Variants in RTL4 observed in about 807,000 individuals in gnomAD.
RTL4 encodes the protein retrotransposon Gag like 4, also known as retrotransposon Gag-like protein 4.
A neutral mutation model predicts 5.3 loss-of-function variants in RTL4; 4 were observed. That is an observed-to-expected ratio of 0.75 (90% CI 0.37 to 1.72). The LOEUF (loss-of-function observed/expected upper bound fraction) is 1.72. Ranked by LOEUF, RTL4 falls within the 40% of genes most tolerant of loss-of-function variation. The pLI, the probability that RTL4 is intolerant of heterozygous loss-of-function variation, is 0.04. For synonymous variants in RTL4, 98 were observed against 87.3 expected (o/e 1.12, Z -0.68); for missense variants, 260 against 227.1 (o/e 1.14, Z -0.93).
chrX:112,337,230 G>A, the RTL4 span, among the ~76,000 whole-genome samples: 1 of 111,804 alleles, frequency 8.9e-6, no homozygotes, highest in South Asian at 3.7e-4. Flanking sequence ...CATAATAGTA[G>A]CTATCTTCTT....
the RTL4 span, among the ~76,000 whole-genome samples, chrX:112,164,325 G>A: frequency 8.9e-6 from 1 of 112,068 alleles, no homozygotes; most frequent in Non-Finnish European, 1.9e-5. Context: ...CCTAAAAATG[G>A]TAGTTTCGCC....
chrX:112,276,699 A>G, the RTL4 span, among the ~76,000 whole-genome samples: 3 of 111,897 alleles, frequency 2.7e-5, no homozygotes, highest in Non-Finnish European at 3.8e-5. Context: ...TTATCAAATT[A>G]ATTTTAATAT....
the RTL4 span, among the ~76,000 whole-genome samples, chrX:112,326,424 C>T: frequency 9.0e-6 from 1 of 111,517 alleles, no homozygotes; most frequent in African/African-American, 3.3e-5. Flanking sequence ...TCACTTCCAC[C>T]CGAATACTGC....
the RTL4 span, among the ~76,000 whole-genome samples, chrX:112,113,143 G>T: frequency 9.0e-6 from 1 of 111,038 alleles, no homozygotes; most frequent in South Asian, 3.9e-4. Flanking sequence ...GGCCTTAAGG[G>T]TTATTGCTTT....
At chrX:112,164,486 G>A in the RTL4 span, among the ~76,000 whole-genome samples, 12 of 112,074 alleles carry the variant, frequency 1.1e-4, no homozygotes, top group South Asian at 7.5e-4. Context: ...AAGACCATGC[G>A]GAGATGGAAT....
the RTL4 span, among the ~76,000 whole-genome samples, chrX:112,425,917 CAGA>C: frequency 9.0e-6 from 1 of 111,580 alleles, no homozygotes; most frequent in Non-Finnish European, 1.9e-5. Context: ...TTTCACAGAG[CAGA>C]AGGTTTTTAT....
At chrX:112,451,101 A>C (rs1926727304), upstream of RTL4, among the ~76,000 whole-genome samples, 1 of 111,915 alleles carries the variant, frequency 8.9e-6, no homozygotes, top group Non-Finnish European at 1.9e-5. Flanking sequence ...TAAGCAGTAG[A>C]TACTCCATGT....
At chrX:112,407,261 A>C in the RTL4 span, among the ~76,000 whole-genome samples, 1 of 111,058 alleles carries the variant, frequency 9.0e-6, no homozygotes, top group African/African-American at 3.3e-5. Flanking sequence ...CCTGAACCAA[A>C]GGGAAGCCCA....
the RTL4 span, among the ~76,000 whole-genome samples, chrX:112,439,519 A>G: frequency 8.9e-6 from 1 of 111,764 alleles, no homozygotes; most frequent in Non-Finnish European, 1.9e-5. Flanking sequence ...AGATGATACT[A>G]CCCACATGCT....
the RTL4 span, among the ~76,000 whole-genome samples, chrX:112,202,972 G>A: frequency 8.9e-6 from 1 of 111,900 alleles, no homozygotes; most frequent in Non-Finnish European, 1.9e-5. Context: ...TGATAGGTGT[G>A]TAGTGATATG....
At chrX:112,162,957 C>T in the RTL4 span, among the ~76,000 whole-genome samples, 11 of 111,928 alleles carry the variant, frequency 9.8e-5, no homozygotes, top group Non-Finnish European at 1.9e-4. Context: ...ATGTTGACGC[C>T]TGCTGCTGAT....
chrX:112,140,770 C>T, the RTL4 span, among the ~76,000 whole-genome samples: 1 of 112,050 alleles, frequency 8.9e-6, no homozygotes, highest in Admixed American at 9.5e-5. Context: ...GATACCATAG[C>T]AATATGTCTG....
chrX:112,147,577 C>T, the RTL4 span, among the ~76,000 whole-genome samples: 2 of 111,683 alleles, frequency 1.8e-5, no homozygotes, highest in African/African-American at 6.5e-5. Context: ...AAGTAAACCT[C>T]TGGGTGAATA....
At chrX:112,164,987 G>C in the RTL4 span, among the ~76,000 whole-genome samples, 2 of 111,802 alleles carry the variant, frequency 1.8e-5, no homozygotes, top group Non-Finnish European at 3.8e-5. Context: ...TAATTAGCAG[G>C]CCGCATTCAT....
chrX:112,259,736 C>T, the RTL4 span, among the ~76,000 whole-genome samples: 3 of 111,397 alleles, frequency 2.7e-5, no homozygotes, highest in Admixed American at 9.5e-5. Flanking sequence ...ATGTAAATGA[C>T]TCATTCACTA....
At chrX:112,212,348 C>G in the RTL4 span, among the ~76,000 whole-genome samples, 3 of 111,505 alleles carry the variant, frequency 2.7e-5, no homozygotes, top group African/African-American at 9.8e-5. Context: ...TGCACTCCAG[C>G]CTGGGCGACA....
chrX:112,123,241 A>G, the RTL4 span, among the ~76,000 whole-genome samples: 1 of 112,317 alleles, frequency 8.9e-6, no homozygotes, highest in East Asian at 2.8e-4. Context: ...ACTTACATAC[A>G]TTCAACATCT....
At chrX:112,352,224 T>A in the RTL4 span, among the ~76,000 whole-genome samples, 1 of 111,710 alleles carries the variant, frequency 9.0e-6, no homozygotes, top group Non-Finnish European at 1.9e-5. Context: ...GTAGAGTTTC[T>A]GCTGAGAGAT....
chrX:112,168,283 C>T, the RTL4 span, among the ~76,000 whole-genome samples: 1 of 111,736 alleles, frequency 8.9e-6, no homozygotes, highest in Non-Finnish European at 1.9e-5. Flanking sequence ...GACTAGGAGA[C>T]AAAAGAAGTT....
Sources: gnomAD v4.1 joint callset for allele counts (sites outside exome capture counted in the v4.1 genomes callset) on GRCh38, gnomAD v4.1.1 for gene constraint, MANE v1.5 for transcripts, NCBI Gene and HGNC (gene_info 2026-07-23, HGNC 2026-07-21) for gene names.